Variants in IFNGR1 observed in about 807,000 individuals in gnomAD.
The protein encoded by IFNGR1 is interferon gamma receptor 1.
A neutral mutation model predicts 35.4 loss-of-function variants in IFNGR1; 23 were observed. That is an observed-to-expected ratio of 0.65 (90% CI 0.47 to 0.92). The LOEUF (loss-of-function observed/expected upper bound fraction) is 0.92, where lower values mean the gene tolerates loss of function less well. Among genes scored for constraint, IFNGR1 ranks in the 40% least tolerant of loss-of-function variants. The pLI, the probability that IFNGR1 is intolerant of heterozygous loss-of-function variation, is 0.00. For synonymous variants in IFNGR1, 199 were observed against 209.5 expected (o/e 0.95, Z 0.43); for missense variants, 533 against 583.4 (o/e 0.91, Z 0.89).
chr6:137,197,963 T>G lies in IFNGR1; in HGVS notation c.*68A>C, dbSNP rs1023624371. The G allele has an allele frequency of 1.9e-5, 30 of 1,604,702 alleles. No individual in the cohort carries two copies. The highest frequency in any genetic ancestry group is 2.2e-5 in the Non-Finnish European group (26 of 1,172,940). ...ATACAATTTCTGAGATCATAATCTTTTCATGAAATTAAAGCAGAAAACTGT... is the reference window on the plus strand; with the variant it reads ...ATACAATTTCTGAGATCATAATCTTGTCATGAAATTAAAGCAGAAAACTGT... On this transcript the variant is annotated 3_prime_UTR_variant, in exon 7 of 7. Transcript: ENST00000367739.
chr6:137,198,785 A>T, intron 6 of IFNGR1, 146 bp from the exon 7 acceptor site: 2 of 663,816 alleles, frequency 3.0e-6, no homozygotes, highest in Non-Finnish European at 5.2e-6. Context: ...CTTTTTAATG[A>T]AAGGTCCCAT....
chr6:137,203,184 T>C (rs1044045231), intron 5 of IFNGR1, among the ~76,000 whole-genome samples: 1 of 152,214 alleles, frequency 6.6e-6, no homozygotes, highest in Non-Finnish European at 1.5e-5. Flanking sequence ...CTTGCTATGG[T>C]GAAGTAACAA....
intron 1 of IFNGR1, chr6:137,218,895 G>T: frequency 4.9e-6 from 2 of 409,546 alleles, no homozygotes; most frequent in Non-Finnish European, 9.2e-6. Context: ...ACAGTAAGAA[G>T]ACGATATTAT....
intron 1 of IFNGR1, among the ~76,000 whole-genome samples, chr6:137,213,122 TTATA>T (rs1415873809): frequency 1.3e-5 from 2 of 152,238 alleles, no homozygotes; most frequent in African/African-American, 4.8e-5. Context: ...GTTTAAATTG[TTATA>T]TATTCAGATT....
intron 1 of IFNGR1, among the ~76,000 whole-genome samples, chr6:137,212,790 T>C (rs1361787169): frequency 6.6e-6 from 1 of 152,248 alleles, no homozygotes; most frequent in Non-Finnish European, 1.5e-5. Context: ...ATGTTTCCTA[T>C]AATTTAAGTA....
chr6:137,210,065 C>T (rs1482539321), intron 1 of IFNGR1: 2 of 387,140 alleles, frequency 5.2e-6, no homozygotes, highest in East Asian at 7.3e-5. Flanking sequence ...TAAAAGTAGT[C>T]ATGGGCCAGG....
chr6:137,199,032 A>C (rs1779173288), intron 6 of IFNGR1, among the ~76,000 whole-genome samples: 1 of 152,042 alleles, frequency 6.6e-6, no homozygotes, highest in Non-Finnish European at 1.5e-5. Flanking sequence ...GGCACAATCT[A>C]ATCAGCTGCC....
In IFNGR1 at chr6:137,219,241, A is replaced by G. The variant is rs769779440; in HGVS notation, c.85+2T>C. The G allele has an allele frequency of 6.2e-7, 1 of 1,608,666 alleles. No individual in the cohort carries two copies. The highest frequency in any genetic ancestry group is 2.2e-5 in the East Asian group (1 of 44,656). On this transcript the variant is annotated splice_donor_variant, in intron 1 of 6. Coordinates refer to ENST00000367739, the MANE Select transcript of IFNGR1 (RefSeq NM_000416.3). LOFTEE classifies it high-confidence loss of function. ...CCGCAGCCCTGCCGCGAACGACGGT[A>G]CCTGAGGACGGCCCCAGATCCGCGG...
At chr6:137,201,691 A>AC (rs989742798) in intron 5 of IFNGR1, among the ~76,000 whole-genome samples, 19 of 149,302 alleles carry the variant, frequency 1.3e-4, no homozygotes, top group South Asian at 2.1e-4. Context: ...CAAAACAACA[A>AC]AAAAAAAAAG....
At chr6:137,200,838 C>T in intron 6 of IFNGR1, 43 bp downstream of exon 6, 1 of 1,406,454 alleles carries the variant, frequency 7.1e-7, no homozygotes, top group Non-Finnish European at 9.8e-7. Flanking sequence ...AAAAAAGGTT[C>T]AAGTTAACTT....
chr6:137,218,420 C>A, intron 1 of IFNGR1: 1 of 1,110,898 alleles, frequency 9.0e-7, no homozygotes, highest in Non-Finnish European at 1.2e-6. Context: ...ATAAAATGCT[C>A]CGAAGAACAA....
chr6:137,206,385 C>T, intron 2 of IFNGR1, 77 bp from the exon 3 acceptor site: 2 of 1,146,004 alleles, frequency 1.7e-6, no homozygotes, highest in Non-Finnish European at 2.6e-6. Context: ...CTGTGCTTTG[C>T]TTTTTATTCA....
chr6:137,214,556 T>G (rs1779647027), intron 1 of IFNGR1, among the ~76,000 whole-genome samples: 1 of 152,200 alleles, frequency 6.6e-6, no homozygotes, highest in African/African-American at 2.4e-5. Context: ...TAACCTCCCC[T>G]ATATTTTTCC....
chr6:137,201,462 C>T (rs576897107), intron 5 of IFNGR1, among the ~76,000 whole-genome samples: 8 of 152,160 alleles, frequency 5.3e-5, no homozygotes, highest in African/African-American at 1.7e-4. Flanking sequence ...ATCACGAGGT[C>T]AAGAGATCGA....
At chr6:137,200,762 G>A in intron 6 of IFNGR1, 119 bp downstream of exon 6, 1 of 847,704 alleles carries the variant, frequency 1.2e-6, no homozygotes, top group Admixed American at 2.7e-5. Flanking sequence ...TAGACTGACT[G>A]ATTGATGGCA....
At chr6:137,219,192 T>G in intron 1 of IFNGR1, 51 bp downstream of exon 1, 1 of 1,560,448 alleles carries the variant, frequency 6.4e-7, no homozygotes, top group East Asian at 2.4e-5. Flanking sequence ...GGCGGATCCC[T>G]CCCTCCCTCT....
chr6:137,219,194 C>A, intron 1 of IFNGR1, 49 bp downstream of exon 1: 1 of 1,564,972 alleles, frequency 6.4e-7, no homozygotes, highest in Non-Finnish European at 8.7e-7. Flanking sequence ...CGGATCCCTC[C>A]CTCCCTCTCG....
In IFNGR1 at chr6:137,219,266, G is replaced by A. The variant is rs2114527582; in HGVS notation, c.62C>T (p.Thr21Ile). ...ACCTGAGGACGGCCCCAGATCCGCG[G>A]TGCCCATCTCAGCCCTGCTCACACC... ...MQGVSRAEMG[T>I]ADLGPSSVPT... The change falls in exon 1 of 7, where the codon ACC becomes ATC. Residue 21 changes from threonine (T) to isoleucine (I), a missense_variant. Coordinates refer to ENST00000367739, the MANE Select transcript of IFNGR1 (RefSeq NM_000416.3). 6.2e-7 allele frequency: 1 copy of A among 1,611,688 alleles called. No individual in the cohort carries two copies. Among genetic ancestry groups the A allele is most frequent in the Non-Finnish European group, 8.5e-7 (1 of 1,179,190 alleles).
At chr6:137,208,328 A>C (rs2114494859) in intron 1 of IFNGR1, among the ~76,000 whole-genome samples, 1 of 152,388 alleles carries the variant, frequency 6.6e-6, no homozygotes, top group East Asian at 1.9e-4. Flanking sequence ...AGCTGGCTGC[A>C]GAAATGTGCA....
Sources: allele counts gnomAD v4.1 joint callset (sites outside exome capture counted in the v4.1 genomes callset), GRCh38; gene constraint gnomAD v4.1.1; transcripts MANE v1.5; gene names NCBI Gene and HGNC (gene_info 2026-07-23, HGNC 2026-07-21).